TAFA5: variants seen among roughly 807,000 people sequenced by gnomAD.
The protein encoded by TAFA5 is TAFA chemokine like family member 5.
Under a neutral mutation model 15.3 loss-of-function variants are expected in TAFA5, and 6 were observed. That is an observed-to-expected ratio of 0.39 (90% CI 0.21 to 0.77). The LOEUF is 0.77. Ranked by LOEUF, TAFA5 falls within the 30% of genes least tolerant of loss-of-function variation. The probability of loss-of-function intolerance (pLI) is 0.41; values close to 1 mark genes in which losing one functional copy is unlikely to be tolerated. For missense variants in TAFA5, 161 were observed against 193.1 expected, an observed-to-expected ratio of 0.83 and a Z score of 0.98; for synonymous variants, 103 against 80.7, an observed-to-expected ratio of 1.28 and a Z score of -1.48.
At chr22:48,693,190 G>A (rs1601677060) in intron 2 of TAFA5, 2 of 1,063,500 alleles carry the variant, frequency 1.9e-6, no homozygotes, top group East Asian at 5.2e-5. Flanking sequence ...TGCCTGGAGG[G>A]GCCTCAGTGA....
chr22:48,726,030 T>C (rs1482507211), intron 3 of TAFA5, among the ~76,000 whole-genome samples: 1 of 152,150 alleles, frequency 6.6e-6, no homozygotes, highest in East Asian at 1.9e-4. Flanking sequence ...CCAGGGAATA[T>C]TAAGAAAATA....
At chr22:48,674,023 ACTC>A (rs1479869733) in intron 2 of TAFA5, among the ~76,000 whole-genome samples, 1 of 146,752 alleles carries the variant, frequency 6.8e-6, no homozygotes, top group Non-Finnish European at 1.5e-5. Context: ...TCACATCTGG[ACTC>A]CTCTTCGCCC....
intron 1 of TAFA5, among the ~76,000 whole-genome samples, chr22:48,600,411 C>T (rs779475159): frequency 1.3e-5 from 2 of 152,178 alleles, no homozygotes; most frequent in Non-Finnish European, 2.9e-5. Flanking sequence ...AGCTCTGGGA[C>T]ATGAAGGGGC....
At chr22:48,653,049 G>A (rs1055665636) in intron 2 of TAFA5, among the ~76,000 whole-genome samples, 1 of 152,220 alleles carries the variant, frequency 6.6e-6, no homozygotes, top group African/African-American at 2.4e-5. Context: ...ACTGCATCAC[G>A]CGACCGTGGT....
At chr22:48,556,469 A>G (rs1440333030) in intron 1 of TAFA5, among the ~76,000 whole-genome samples, 7 of 152,274 alleles carry the variant, frequency 4.6e-5, no homozygotes, top group Non-Finnish European at 1.0e-4. Flanking sequence ...CACATAATTA[A>G]TAGATTTATT....
intron 2 of TAFA5, among the ~76,000 whole-genome samples, chr22:48,664,422 A>G (rs1296351179): frequency 2.0e-5 from 3 of 152,138 alleles, no homozygotes; most frequent in Admixed American, 6.5e-5. Flanking sequence ...GTACAATTCT[A>G]TTGGTTTACA....
chr22:48,520,710 G>A (rs942042287), intron 1 of TAFA5, among the ~76,000 whole-genome samples: 8 of 152,154 alleles, frequency 5.3e-5, no homozygotes, highest in Non-Finnish European at 8.8e-5. Flanking sequence ...CAGGAAGAGG[G>A]GGCATGGAGC....
At position 48,578,792 on chromosome 22, in the gene TAFA5, G is replaced by A. The variant is rs541763698; in HGVS notation, c.113-67805G>A. Among the ~76,000 whole-genome samples, 17 of 152,330 alleles carry A rather than the reference G, an allele frequency of 1.1e-4. No individual in the cohort carries two copies. The South Asian group carries it at 1.9e-3, about 17-fold the overall frequency. On this transcript the variant is annotated intron_variant, in intron 1 of 3. Coordinates refer to ENST00000402357, the MANE Select transcript of TAFA5 (RefSeq NM_001082967.3). Reference sequence around the variant, plus strand: ...GCAGCCTCCCTGTCCTTGCTGAGACGGCCTTTTGGCCCCTTGGCATCAGGA... The same window carrying A: ...GCAGCCTCCCTGTCCTTGCTGAGACAGCCTTTTGGCCCCTTGGCATCAGGA...
intron 1 of TAFA5, among the ~76,000 whole-genome samples, chr22:48,589,824 G>T (rs1303306592): frequency 6.7e-6 from 1 of 150,012 alleles, no homozygotes; most frequent in East Asian, 2.1e-4. Context: ...TAGAGGAAGC[G>T]CAGGCCCAAG....
At chr22:48,583,102 C>A (rs1185541735) in intron 1 of TAFA5, among the ~76,000 whole-genome samples, 1 of 150,666 alleles carries the variant, frequency 6.6e-6, no homozygotes, top group Non-Finnish European at 1.5e-5. Flanking sequence ...ACACAAAATA[C>A]ACCACACGCC....
intron 2 of TAFA5, among the ~76,000 whole-genome samples, chr22:48,695,606 T>A (rs187597879): frequency 6.6e-6 from 1 of 152,316 alleles, no homozygotes; most frequent in East Asian, 1.9e-4. Context: ...GTAGCCAGCA[T>A]GTTCCTCCCT....
intron 1 of TAFA5, among the ~76,000 whole-genome samples, chr22:48,564,510 G>C (rs531828018): frequency 6.6e-6 from 1 of 152,246 alleles, no homozygotes. Flanking sequence ...ATGTGGTCTG[G>C]TCATTGTCCT....
At chr22:48,663,603 AG>A (rs371847807) in intron 2 of TAFA5, among the ~76,000 whole-genome samples, 12 of 152,374 alleles carry the variant, frequency 7.9e-5, no homozygotes, top group African/African-American at 2.9e-4. Flanking sequence ...CCATGGTCAA[AG>A]GTAGTCCAAA....
intron 1 of TAFA5, among the ~76,000 whole-genome samples, chr22:48,644,954 TC>T (rs1926812102): frequency 6.6e-6 from 1 of 152,176 alleles, no homozygotes; most frequent in African/African-American, 2.4e-5. Flanking sequence ...GAGCCCTGAG[TC>T]CGTGCATCTC....
intron 3 of TAFA5, among the ~76,000 whole-genome samples, chr22:48,735,927 G>A (rs1930001784): frequency 6.7e-6 from 1 of 148,414 alleles, no homozygotes. Flanking sequence ...CCCCCAGGAG[G>A]AATGAGAATC....
chr22:48,702,120 TGTGTGTGAG>T (rs1217446946), intron 2 of TAFA5, among the ~76,000 whole-genome samples: 4 of 93,032 alleles, frequency 4.3e-5, no homozygotes, highest in African/African-American at 3.0e-4. Context: ...ACAGTGGACT[TGTGTGTGAG>T]TGTGTGTGTG....
intron 1 of TAFA5, among the ~76,000 whole-genome samples, chr22:48,492,272 G>T (rs1928181706): frequency 6.6e-6 from 1 of 152,082 alleles, no homozygotes; most frequent in South Asian, 2.1e-4. Flanking sequence ...CATCAGTAAG[G>T]ATTTTTATTA....
intron 1 of TAFA5, among the ~76,000 whole-genome samples, chr22:48,510,500 C>T (rs556425983): frequency 4.6e-5 from 7 of 152,316 alleles, no homozygotes; most frequent in South Asian, 2.1e-4. Flanking sequence ...ATTATAGCTG[C>T]GAGAAGGAAA....
chr22:48,556,039 G>A (rs763101467), intron 1 of TAFA5, among the ~76,000 whole-genome samples: 12 of 152,202 alleles, frequency 7.9e-5, no homozygotes, highest in Non-Finnish European at 1.5e-4. Context: ...TCATGGACCA[G>A]GCTAAGACCC....
Sources: allele counts gnomAD v4.1 joint callset (sites outside exome capture counted in the v4.1 genomes callset), GRCh38; gene constraint gnomAD v4.1.1; transcripts MANE v1.5; gene names NCBI Gene and HGNC (gene_info 2026-07-23, HGNC 2026-07-21).